Variants in TPM1 observed in about 807,000 individuals in gnomAD.
TPM1 encodes tropomyosin alpha-1 chain.
Under a neutral mutation model 42.9 loss-of-function variants are expected in TPM1, and 24 were observed. That is an observed-to-expected ratio of 0.56 (90% CI 0.41 to 0.79). TPM1 has a LOEUF of 0.79. Ranked by LOEUF, TPM1 falls within the 30% of genes least tolerant of loss-of-function variation. The pLI, the probability that TPM1 is intolerant of heterozygous loss-of-function variation, is 0.00. For missense variants in TPM1, 158 were observed against 351.8 expected, an observed-to-expected ratio of 0.45 and a Z score of 4.41; for synonymous variants, 136 against 130.1, an observed-to-expected ratio of 1.05 and a Z score of -0.31.
chr15:63,062,528 A>G (rs1388116026), intron 7 of TPM1, 48 bp from the exon 8 acceptor site: 11 of 1,595,050 alleles, frequency 6.9e-6, no homozygotes, highest in Non-Finnish European at 9.5e-6. Flanking sequence ...GTTTGTAGCT[A>G]CAGGAAACAT....
At chr15:63,063,251 A>G (rs1282712044) in intron 8 of TPM1, 1 of 985,338 alleles carries the variant, frequency 1.0e-6, no homozygotes, top group African/African-American at 1.7e-5. Flanking sequence ...AGCTGTGAAC[A>G]AGAAAGAAAA....
At chr15:63,052,644 C>T (rs977789470) in intron 2 of TPM1, among the ~76,000 whole-genome samples, 3 of 152,194 alleles carry the variant, frequency 2.0e-5, no homozygotes, top group African/African-American at 7.2e-5. Context: ...TATATCTCTG[C>T]TTTTAGATAA....
Position 63,059,248 on chromosome 15 carries a change from T to C in TPM1, c.375-315T>C, listed in dbSNP as rs534781237. ...TTTTTAATAGTAAAGCATATTGGCT[T>C]TTCCGGTTTCATACTGCCAAGATTC... On this transcript the variant is annotated intron_variant, in intron 3 of 9. Coordinates refer to ENST00000403994, the MANE Select transcript of TPM1 (RefSeq NM_001018005.2). Among the ~76,000 whole-genome samples the C allele has an allele frequency of 1.1e-3, 161 of 152,206 alleles. 1 individual carries two copies. The highest frequency in any genetic ancestry group is 2.1e-3 in the Non-Finnish European group (143 of 68,038).
intron 2 of TPM1, chr15:63,048,609 A>G (rs397516489): frequency 6.5e-7 from 1 of 1,533,560 alleles, no homozygotes. Context: ...GGCGGTGCGC[A>G]GGAAGATCCG....
intron 2 of TPM1, among the ~76,000 whole-genome samples, chr15:63,053,305 G>A (rs1010019499): frequency 6.6e-6 from 1 of 152,190 alleles, no homozygotes; most frequent in African/African-American, 2.4e-5. Flanking sequence ...GGGAGTTGGG[G>A]TGGGGGCCGG....
chr15:63,044,195 TG>T (rs1555403454), intron 2 of TPM1, 43 bp downstream of exon 2: 3 of 1,614,018 alleles, frequency 1.9e-6, no homozygotes, highest in Non-Finnish European at 2.5e-6. Flanking sequence ...CTTGCCTGCG[TG>T]GCCACTCCGG....
At chr15:63,063,754 A>G (rs2035955611) in intron 8 of TPM1, 3 of 305,772 alleles carry the variant, frequency 9.8e-6, no homozygotes, top group Non-Finnish European at 1.8e-5. Flanking sequence ...ACCAGGAGAC[A>G]GCCTTCTGTG....
intron 3 of TPM1, among the ~76,000 whole-genome samples, chr15:63,058,699 ACT>A (rs1404341648): frequency 2.6e-5 from 4 of 152,268 alleles, no homozygotes; most frequent in East Asian, 3.9e-4. Context: ...ACAGAGCGAG[ACT>A]CTGTCTCAAA....
intron 9 of TPM1, chr15:63,065,437 TC>T: frequency 1.0e-6 from 1 of 985,134 alleles, no homozygotes; most frequent in Middle Eastern, 5.2e-4. Flanking sequence ...GGTTATAGAA[TC>T]CCCACAGTCA....
rs1297798113 is a variant in TPM1, at chr15:63,061,834, G to C, written c.639+46G>C. On this transcript the variant is annotated intron_variant, in intron 6 of 9. Transcript: ENST00000403994. The stretch of plus-strand genomic sequence containing the variant: ...GGGGGAAAGGCATCTTTTAAGAGCT[G>C]CTCAAAAGAGGCCCTGCCAGAAAGC... The C allele has an allele frequency of 1.9e-6, 3 of 1,540,202 alleles. No individual in the cohort carries two copies. The South Asian group carries it at 3.4e-5, about 17-fold the overall frequency.
chr15:63,069,057 G>A (rs1006779267), downstream of TPM1, among the ~76,000 whole-genome samples: 6 of 152,194 alleles, frequency 3.9e-5, no homozygotes, highest in East Asian at 7.8e-4. Context: ...GGAGGCTGAG[G>A]CAGGAGATTG....
At chr15:63,069,490 G>T (rs906329082), downstream of TPM1, among the ~76,000 whole-genome samples, 1 of 152,178 alleles carries the variant, frequency 6.6e-6, no homozygotes, top group African/African-American at 2.4e-5. Flanking sequence ...TGGATGTCAC[G>T]CTGGGCTCGC....
chr15:63,065,226 A>G (rs1410486049), intron 9 of TPM1: 3 of 986,576 alleles, frequency 3.0e-6, no homozygotes, highest in African/African-American at 3.5e-5. Context: ...ACTAATTTAC[A>G]TATTACTAAC....
At chr15:63,065,427 G>A (rs2036168728) in intron 9 of TPM1, 8 of 1,037,234 alleles carry the variant, frequency 7.7e-6, no homozygotes, top group Admixed American at 1.0e-4. Context: ...CTGCCTTAGA[G>A]GTTATAGAAT....
chr15:63,048,356 C>A, intron 2 of TPM1: 11 of 1,237,724 alleles, frequency 8.9e-6, no homozygotes, highest in Non-Finnish European at 1.1e-5. Flanking sequence ...CGGCGCGCGC[C>A]CCTCCCAGCC....
At chr15:63,065,698 T>C in intron 9 of TPM1, 198 bp from the exon 10 acceptor site, 1 of 968,264 alleles carries the variant, frequency 1.0e-6, no homozygotes, top group African/African-American at 1.8e-5. Context: ...AAATGGACCC[T>C]TGCCGAAAGG....
intron 2 of TPM1, chr15:63,046,630 T>C (rs2032434765): frequency 6.6e-6 from 1 of 152,584 alleles, no homozygotes; most frequent in South Asian, 2.1e-4. Context: ...AAGTCAAAAG[T>C]GAGGCTGAAG....
downstream of TPM1, chr15:63,070,241 C>A: frequency 3.4e-6 from 4 of 1,174,576 alleles, no homozygotes; most frequent in Non-Finnish European, 4.3e-6. Flanking sequence ...GGAGCCCCCC[C>A]AAAAAATGTT....
At chr15:63,059,428 T>A (rs1266045528) in intron 3 of TPM1, 135 bp from the exon 4 acceptor site, 2 of 657,234 alleles carry the variant, frequency 3.0e-6, no homozygotes, top group African/African-American at 3.6e-5. Context: ...GTTTCCTGGT[T>A]TGGAAAATAA....
Sources: allele counts gnomAD v4.1 joint callset (sites outside exome capture counted in the v4.1 genomes callset), GRCh38; gene constraint gnomAD v4.1.1; transcripts MANE v1.5; gene names NCBI Gene and HGNC (gene_info 2026-07-23, HGNC 2026-07-21).